The following RASGRF1 variants were observed in gnomAD, a reference collection of about 807,000 sequenced individuals.
The protein encoded by RASGRF1 is ras-specific guanine nucleotide-releasing factor 1.
RASGRF1 carries 40 observed loss-of-function variants against 138.7 expected under a neutral mutation model. The observed-to-expected ratio is 0.29, with a 90% CI of 0.22 to 0.38. RASGRF1 has a LOEUF of 0.38. RASGRF1 is among the 10% of genes least tolerant of loss of function. The pLI, the probability that RASGRF1 is intolerant of heterozygous loss-of-function variation, is 1.00. For missense variants in RASGRF1, 1,108 were observed against 1,650.4 expected (o/e 0.67, Z 5.69); for synonymous variants, 614 against 663.2 (o/e 0.93, Z 1.14).
intron 1 of RASGRF1, among the ~76,000 whole-genome samples, chr15:79,085,064 T>TA (rs1385302493): frequency 2.0e-5 from 3 of 152,188 alleles, no homozygotes; most frequent in African/African-American, 7.2e-5. Flanking sequence ...TCCTGGTGCT[T>TA]ACATTCCAGT....
At chr15:79,060,314 A>G (rs2057586482) in intron 2 of RASGRF1, among the ~76,000 whole-genome samples, 1 of 152,224 alleles carries the variant, frequency 6.6e-6, no homozygotes, top group Admixed American at 6.5e-5. Flanking sequence ...CCAGGGCTTG[A>G]CAAAGGAAGA....
rs1473199371 is a variant in RASGRF1, at chr15:78,990,005, TAGG to T, written c.3216+181_3216+183del. ...CTGTTCCATGGTCAGCCCCACTTAA[TAGG>T]AGAAGAGACTGAGACTGAGGTGAGG... On this transcript the variant is annotated intron_variant, in intron 22 of 26. Coordinates refer to ENST00000558480, the MANE Select transcript of RASGRF1 (RefSeq NM_001145648.3). The T allele has an allele frequency of 1.3e-5, 8 of 619,724 alleles. No individual in the cohort carries two copies. In the Admixed American group the frequency reaches 2.3e-4, roughly 18 times the overall value. The allele number at this position is 619,724 out of a possible 1,614,324, so 38.4% of individuals were successfully genotyped here.
Position 79,076,800 on chromosome 15 carries a change from C to T in RASGRF1, c.277-12274G>A, listed in dbSNP as rs116626892. 6.6e-3 allele frequency among the ~76,000 whole-genome samples: 1,011 copies of T among 152,360 alleles called. 10 individuals are homozygous for T. Among genetic ancestry groups the T allele is most frequent in the African/African-American group, 0.024 (979 of 41,584 alleles). Reference sequence around the variant, plus strand: ...AGCTGCTTTGAGCAAAAGGCTCCTGCTCCTTTCAAAGAAATGATTCCTGAC... The same window carrying T: ...AGCTGCTTTGAGCAAAAGGCTCCTGTTCCTTTCAAAGAAATGATTCCTGAC... On this transcript the variant is annotated intron_variant, in intron 1 of 26. Coordinates refer to ENST00000558480, the MANE Select transcript of RASGRF1 (RefSeq NM_001145648.3).
chr15:78,976,149 T>A (rs1015702810), intron 24 of RASGRF1, among the ~76,000 whole-genome samples: 7 of 151,994 alleles, frequency 4.6e-5, no homozygotes, highest in African/African-American at 1.7e-4. Flanking sequence ...GGTCCTCTGA[T>A]CACTGAGGGT....
intron 13 of RASGRF1, among the ~76,000 whole-genome samples, chr15:79,010,196 C>A (rs2056769166): frequency 6.6e-6 from 1 of 152,006 alleles, no homozygotes; most frequent in African/African-American, 2.4e-5. Flanking sequence ...ACCACAATGA[C>A]CAGCTAATTT....
intron 20 of RASGRF1, among the ~76,000 whole-genome samples, chr15:78,995,058 G>A (rs550023031): frequency 6.6e-6 from 1 of 151,778 alleles, no homozygotes; most frequent in African/African-American, 2.4e-5. Context: ...CTCCCAAGTA[G>A]CTGGGATCAC....
At chr15:79,002,710 G>A (rs1207348618) in intron 15 of RASGRF1, among the ~76,000 whole-genome samples, 1 of 152,180 alleles carries the variant, frequency 6.6e-6, no homozygotes, top group Non-Finnish European at 1.5e-5. Context: ...CATTTCCTTG[G>A]TGACTGACTT....
At chr15:79,014,075 T>A (rs987806780) in intron 13 of RASGRF1, among the ~76,000 whole-genome samples, 2 of 152,006 alleles carry the variant, frequency 1.3e-5, no homozygotes, top group African/African-American at 2.4e-5. Context: ...ATAAAAAAAA[T>A]TTTTAAAAAT....
chr15:78,977,756 A>G (rs1596316171), intron 24 of RASGRF1, among the ~76,000 whole-genome samples: 1 of 152,222 alleles, frequency 6.6e-6, no homozygotes, highest in East Asian at 1.9e-4. Flanking sequence ...GTGTTCCTCT[A>G]AATCAAGGGC....
chr15:79,029,117 A>C (rs1163248310), intron 8 of RASGRF1, among the ~76,000 whole-genome samples: 1 of 152,260 alleles, frequency 6.6e-6, no homozygotes, highest in African/African-American at 2.4e-5. Flanking sequence ...GGTTGAGGAC[A>C]TGCATTTTAG....
chr15:79,010,757 C>T (rs2056779014), intron 13 of RASGRF1, among the ~76,000 whole-genome samples: 1 of 152,186 alleles, frequency 6.6e-6, no homozygotes, highest in South Asian at 2.1e-4. Flanking sequence ...TCTACCTGCT[C>T]TTGAGGCCAC....
At chr15:79,014,191 T>G (rs1712832363) in intron 13 of RASGRF1, among the ~76,000 whole-genome samples, 1 of 152,218 alleles carries the variant, frequency 6.6e-6, no homozygotes, top group Non-Finnish European at 1.5e-5. Flanking sequence ...GTGTGGAGAT[T>G]CCTTAAAGAA....
At chr15:79,002,664 A>G (rs969378913) in intron 15 of RASGRF1, among the ~76,000 whole-genome samples, 1 of 152,248 alleles carries the variant, frequency 6.6e-6, no homozygotes, top group Non-Finnish European at 1.5e-5. Flanking sequence ...CTTGCGTTAC[A>G]TTTCAGAATG....
At position 79,047,018 on chromosome 15, in the gene RASGRF1, G is replaced by T; in HGVS notation, c.625-19C>A. 6.2e-7 allele frequency: 1 copy of T among 1,602,790 alleles called. No individual in the cohort carries two copies. The highest frequency in any genetic ancestry group is 1.1e-5 in the South Asian group (1 of 90,950). On this transcript the variant is annotated intron_variant, in intron 4 of 26. Coordinates refer to ENST00000558480, the MANE Select transcript of RASGRF1 (RefSeq NM_001145648.3). ...TCTGCACCTGAGCAGCAAGACCGGT[G>T]GGGAGAGGCTCCTGTCAGGGAGTCT...
chr15:79,028,754 A>T (rs961889050), intron 8 of RASGRF1, among the ~76,000 whole-genome samples: 1 of 152,216 alleles, frequency 6.6e-6, no homozygotes, highest in Non-Finnish European at 1.5e-5. Flanking sequence ...TCTGCTGCTG[A>T]TGCCTGAATT....
Position 79,012,287 on chromosome 15 carries a change from G to T in RASGRF1, c.1826+3040C>A, listed in dbSNP as rs140362246. 4.9e-4 allele frequency among the ~76,000 whole-genome samples: 75 copies of T among 152,210 alleles called. No homozygotes were observed. The East Asian group carries it at 0.013, about 27-fold the overall frequency. On this transcript the variant is annotated intron_variant, in intron 13 of 26. Coordinates refer to ENST00000558480, the MANE Select transcript of RASGRF1 (RefSeq NM_001145648.3). ...TCAGTCGTCTAGCAAACTCCAACTG[G>T]TCCTTCGAGGCCAGCTCTAATGTCC... is the stretch of plus-strand genomic sequence containing the variant.
chr15:79,061,428 ATATC>A (rs1370206533), intron 2 of RASGRF1, among the ~76,000 whole-genome samples: 3 of 147,312 alleles, frequency 2.0e-5, no homozygotes, highest in Non-Finnish European at 4.5e-5. Flanking sequence ...ATATATATAT[ATATC>A]ATTCATTTTT....
intron 1 of RASGRF1, among the ~76,000 whole-genome samples, chr15:79,068,777 T>C (rs2057715533): frequency 6.6e-6 from 1 of 151,924 alleles, no homozygotes; most frequent in Non-Finnish European, 1.5e-5. Context: ...AGGCTGTGTA[T>C]GTTTCTGGCC....
chr15:78,964,944 C>T (rs2055614094), intron 26 of RASGRF1, among the ~76,000 whole-genome samples: 1 of 152,206 alleles, frequency 6.6e-6, no homozygotes, highest in African/African-American at 2.4e-5. Context: ...TTGAGAACTC[C>T]TGACCTCAGG....
Sources: gnomAD v4.1 joint callset for allele counts (sites outside exome capture counted in the v4.1 genomes callset) on GRCh38, gnomAD v4.1.1 for gene constraint, MANE v1.5 for transcripts, NCBI Gene and HGNC (gene_info 2026-07-23, HGNC 2026-07-21) for gene names.